ZNF90: variants seen among roughly 807,000 people sequenced by gnomAD.
ZNF90 encodes the protein zinc finger protein HTF9.
In ZNF90, 11 loss-of-function variants were observed where a neutral mutation model predicts 12.0. The observed-to-expected ratio is 0.92, with a 90% CI of 0.58 to 1.52. The LOEUF is 1.52. ZNF90 is among the 40% of genes most tolerant of loss of function. The pLI is 0.00. For synonymous variants in ZNF90, 232 were observed against 240.1 expected (o/e 0.97, Z 0.31); for missense variants, 765 against 711.5 (o/e 1.08, Z -0.86).
Position 20,119,262 on chromosome 19 carries a change from T to C in ZNF90, c.1708T>C (p.Cys570Arg), listed in dbSNP as rs781969532. Reference sequence around the variant, plus strand: ...AGAGAAACCCTACAAATGTGAAGAATGTGGCAAAGCTTTTAACTTGTCCTC... The same window carrying C: ...AGAGAAACCCTACAAATGTGAAGAACGTGGCAAAGCTTTTAACTTGTCCTC... ...TGEKPYKCEECGKAFNLSSDL... is the reference protein window; with the variant it reads ...TGEKPYKCEERGKAFNLSSDL... Residue 570 changes from cysteine to arginine, a missense_variant, in exon 4 of 4, where the codon TGT (cysteine) becomes CGT (arginine). By Grantham distance (180) the Cys-to-Arg change is radical. Coordinates refer to ENST00000418063, the MANE Select transcript of ZNF90 (RefSeq NM_007138.2). 1.9e-6 allele frequency: 3 copies of C among 1,613,928 alleles called. No individual in the cohort carries two copies. The highest frequency in any genetic ancestry group is 2.5e-6 in the Non-Finnish European group (3 of 1,179,930).
chr19:20,087,760 A>G (rs1024269254), intron 1 of ZNF90, among the ~76,000 whole-genome samples: 1 of 152,208 alleles, frequency 6.6e-6, no homozygotes, highest in Non-Finnish European at 1.5e-5. Flanking sequence ...ACCTGGGTGC[A>G]GTTGGGCTGA....
chr19:20,081,567 T>G (rs995879461), intron 1 of ZNF90, among the ~76,000 whole-genome samples: 2 of 152,142 alleles, frequency 1.3e-5, no homozygotes, highest in Non-Finnish European at 2.9e-5. Flanking sequence ...CCCCAGACAC[T>G]GAATCTGCAG....
At chr19:20,081,924 C>T (rs1351233395) in intron 1 of ZNF90, among the ~76,000 whole-genome samples, 4 of 151,996 alleles carry the variant, frequency 2.6e-5, no homozygotes, top group African/African-American at 9.7e-5. Context: ...GCCACTACCC[C>T]CGGCTAATTT....
intron 1 of ZNF90, among the ~76,000 whole-genome samples, chr19:20,082,253 C>G (rs2088826017): frequency 6.6e-6 from 1 of 152,114 alleles, no homozygotes; most frequent in Admixed American, 6.6e-5. Context: ...GTCTCAGTGT[C>G]TGTTATTCTC....
intron 3 of ZNF90, among the ~76,000 whole-genome samples, chr19:20,107,704 A>T (rs2089052215): frequency 6.6e-6 from 1 of 152,128 alleles, no homozygotes; most frequent in Admixed American, 6.5e-5. Flanking sequence ...CTTCTTACTG[A>T]TGTCACTCTC....
intron 3 of ZNF90, among the ~76,000 whole-genome samples, chr19:20,111,805 C>T (rs922978125): frequency 3.9e-5 from 6 of 151,920 alleles, no homozygotes; most frequent in Non-Finnish European, 5.9e-5. Context: ...TCTATATTTT[C>T]AGCTTATAAT....
intron 3 of ZNF90, among the ~76,000 whole-genome samples, chr19:20,108,729 C>CTTT (rs1555704701): frequency 2.3e-5 from 2 of 87,258 alleles, no homozygotes; most frequent in South Asian, 3.5e-4. Context: ...GTGTAGGTTT[C>CTTT]TCTTTTTTTT....
chr19:20,103,770 C>T (rs189021052), intron 1 of ZNF90, among the ~76,000 whole-genome samples: 48 of 151,796 alleles, frequency 3.2e-4, no homozygotes, highest in East Asian at 1.7e-3. Flanking sequence ...TGACATTATT[C>T]GTGAGCTTGT....
Position 20,089,327 on chromosome 19 carries a change from A to C in ZNF90, c.3+11192A>C, listed in dbSNP as rs190044387. On this transcript the variant is annotated intron_variant, in intron 1 of 3. Coordinates refer to ENST00000418063, the MANE Select transcript of ZNF90 (RefSeq NM_007138.2). ...AGAGTCTGACGAGCAAGGGGAAGGTAGCCAAGGATGGAGTGAAATACAGGG... is the reference window on the plus strand; with the variant it reads ...AGAGTCTGACGAGCAAGGGGAAGGTCGCCAAGGATGGAGTGAAATACAGGG... 4.4e-3 allele frequency among the ~76,000 whole-genome samples: 667 copies of C among 152,304 alleles called. 1 individual carries two copies. Among genetic ancestry groups the C allele is most frequent in the Admixed American group, 7.1e-3 (108 of 15,302 alleles).
At chr19:20,086,697 AC>A (rs2088862192) in intron 1 of ZNF90, among the ~76,000 whole-genome samples, 1 of 152,222 alleles carries the variant, frequency 6.6e-6, no homozygotes, top group African/African-American at 2.4e-5. Flanking sequence ...CATACTATAT[AC>A]ATACTATATA....
intron 3 of ZNF90, chr19:20,106,837 A>G (rs1024802752): frequency 6.6e-6 from 3 of 452,938 alleles, no homozygotes; most frequent in African/African-American, 6.0e-5. Context: ...TTGATAGTGA[A>G]GAGGGGTTGT....
At position 20,120,542 on chromosome 19, in the gene ZNF90, G is replaced by A. The variant is rs1471441785; in HGVS notation, c.*1182G>A. ...ATTTTTTTTCAAAAACTACAGCTTA[G>A]AAAACACCAGAGAGTTGATACTAAA... On this transcript the variant is annotated 3_prime_UTR_variant, in exon 4 of 4. Coordinates refer to ENST00000418063, the MANE Select transcript of ZNF90 (RefSeq NM_007138.2). 6.6e-6 allele frequency among the ~76,000 whole-genome samples: 1 copy of A among 151,996 alleles called. No individual in the cohort carries two copies. The highest frequency in any genetic ancestry group is 1.5e-5 in the Non-Finnish European group (1 of 67,972).
chr19:20,109,303 G>C (rs1429960027), intron 3 of ZNF90, among the ~76,000 whole-genome samples: 2 of 152,106 alleles, frequency 1.3e-5, no homozygotes, highest in Non-Finnish European at 2.9e-5. Flanking sequence ...ATGTGTGTTT[G>C]TCTGTAAATA....
chr19:20,117,118 C>T (rs1286009692), intron 3 of ZNF90, among the ~76,000 whole-genome samples: 3 of 151,410 alleles, frequency 2.0e-5, no homozygotes, highest in African/African-American at 7.3e-5. Flanking sequence ...TCTTGGCCCA[C>T]CACATTCTCT....
At chr19:20,090,799 A>T (rs1018426160) in intron 1 of ZNF90, among the ~76,000 whole-genome samples, 9 of 152,218 alleles carry the variant, frequency 5.9e-5, no homozygotes, top group Non-Finnish European at 1.0e-4. Context: ...ACCCTGTAGC[A>T]TCTCGAGGAC....
chr19:20,105,130 T>C, intron 2 of ZNF90, 91 bp from the exon 3 acceptor site: 1 of 895,348 alleles, frequency 1.1e-6, no homozygotes. Flanking sequence ...TTTACTAGAC[T>C]ATTTTATCAC....
chr19:20,082,761 G>A (rs1013988518), intron 1 of ZNF90, among the ~76,000 whole-genome samples: 3 of 152,168 alleles, frequency 2.0e-5, no homozygotes, highest in Non-Finnish European at 4.4e-5. Flanking sequence ...CACCCATAAA[G>A]GGTCTGTGCT....
chr19:20,084,787 T>A (rs1555701885), intron 1 of ZNF90, among the ~76,000 whole-genome samples: 1 of 152,224 alleles, frequency 6.6e-6, no homozygotes, highest in African/African-American at 2.4e-5. Flanking sequence ...ATATATGTCT[T>A]CTTTTGAAAA....
chr19:20,078,373 T>C (rs1192787392), intron 1 of ZNF90, among the ~76,000 whole-genome samples: 1 of 151,834 alleles, frequency 6.6e-6, no homozygotes, highest in Non-Finnish European at 1.5e-5. Flanking sequence ...TGGGCAGCTC[T>C]GCACCCACAG....
Sources: gnomAD v4.1 joint callset for allele counts (sites outside exome capture counted in the v4.1 genomes callset) on GRCh38, gnomAD v4.1.1 for gene constraint, MANE v1.5 for transcripts, NCBI Gene and HGNC (gene_info 2026-07-23, HGNC 2026-07-21) for gene names.